DAB1: variants seen among roughly 807,000 people sequenced by gnomAD.
DAB1 encodes the protein disabled homolog 1.
DAB1 carries 15 observed loss-of-function variants against 64.6 expected under a neutral mutation model. That is an observed-to-expected ratio of 0.23 (90% CI 0.16 to 0.36). The LOEUF (loss-of-function observed/expected upper bound fraction) is 0.36, where lower values mean the gene tolerates loss of function less well. Ranked by LOEUF, DAB1 falls within the 10% of genes least tolerant of loss-of-function variation. The pLI is 1.00. For synonymous variants in DAB1, 235 were observed against 251.9 expected (o/e 0.93, Z 0.64); for missense variants, 596 against 706.7 (o/e 0.84, Z 1.78).
At chr1:58,266,819 C>A (rs1042214662) in intron 4 of DAB1, among the ~76,000 whole-genome samples, 2 of 152,086 alleles carry the variant, frequency 1.3e-5, no homozygotes, top group Non-Finnish European at 2.9e-5. Context: ...GAATAGGTAT[C>A]GTCCAAAGAA....
intron 4 of DAB1, among the ~76,000 whole-genome samples, chr1:58,298,867 A>G (rs1662051734): frequency 6.6e-6 from 1 of 152,102 alleles, no homozygotes; most frequent in Non-Finnish European, 1.5e-5. Flanking sequence ...TCTTTGTAGC[A>G]CCTCTAATTA....
intron 1 of DAB1, 104 bp downstream of exon 1, chr1:57,423,825 GC>G (rs1289181078): frequency 1.3e-5 from 2 of 152,110 alleles, no homozygotes; most frequent in Non-Finnish European, 2.9e-5. Flanking sequence ...CCTCCTCCGC[GC>G]CCCGGGGCTC....
intron 5 of DAB1, among the ~76,000 whole-genome samples, chr1:57,936,910 T>C (rs1469194638): frequency 1.3e-5 from 2 of 152,042 alleles, no homozygotes; most frequent in Non-Finnish European, 2.9e-5. Flanking sequence ...GAGTCTTTGC[T>C]CCAGCCACAC....
chr1:57,838,337 C>A (rs978035717), intron 1 of DAB1, among the ~76,000 whole-genome samples: 1 of 151,922 alleles, frequency 6.6e-6, no homozygotes, highest in African/African-American at 2.4e-5. Context: ...AAAGAAAATG[C>A]AACAGAAAGT....
intron 6 of DAB1, among the ~76,000 whole-genome samples, chr1:57,693,251 A>G (rs771100593): frequency 2.6e-5 from 4 of 152,040 alleles, no homozygotes; most frequent in Non-Finnish European, 5.9e-5. Flanking sequence ...CCAATTCCCA[A>G]CAGCAGCTGG....
At chr1:58,441,602 C>A (rs1645008838) in intron 3 of DAB1, among the ~76,000 whole-genome samples, 1 of 152,116 alleles carries the variant, frequency 6.6e-6, no homozygotes, top group African/African-American at 2.4e-5. Flanking sequence ...CTCTGATTTC[C>A]TCAGTTATAA....
chr1:57,331,870 A>G (rs1570297788), intron 1 of DAB1, among the ~76,000 whole-genome samples: 1 of 152,244 alleles, frequency 6.6e-6, no homozygotes, highest in African/African-American at 2.4e-5. Flanking sequence ...AAGACGAGGT[A>G]GCAGAAAGGC....
At chr1:58,408,055 C>T (rs971769705) in intron 3 of DAB1, among the ~76,000 whole-genome samples, 1 of 152,158 alleles carries the variant, frequency 6.6e-6, no homozygotes, top group African/African-American at 2.4e-5. Context: ...GGACCAGCAG[C>T]CTCAGCATCG....
intron 4 of DAB1, among the ~76,000 whole-genome samples, chr1:58,252,245 G>T (rs1182697947): frequency 6.6e-6 from 1 of 152,168 alleles, no homozygotes; most frequent in Non-Finnish European, 1.5e-5. Flanking sequence ...TTGCCTGTTT[G>T]TTGAGTCCAT....
intron 6 of DAB1, among the ~76,000 whole-genome samples, chr1:57,817,413 GC>G (rs1443067673): frequency 7.2e-5 from 11 of 152,196 alleles, no homozygotes; most frequent in Non-Finnish European, 1.6e-4. Context: ...ATGGCCAGCT[GC>G]CCATGAAGGG....
chr1:57,859,804 T>A (rs546043013), intron 1 of DAB1, among the ~76,000 whole-genome samples: 2 of 152,294 alleles, frequency 1.3e-5, no homozygotes, highest in Admixed American at 1.3e-4. Context: ...GACTTCAATG[T>A]ATCTCAAATA....
Position 57,010,810 on chromosome 1 carries a change from T to A in DAB1, c.1573-20A>T. Reference sequence around the variant, plus strand: ...ATCAGGCTAGAACACAAGAAGATAATACTTTTTTTTTTCTCTCTTTTCAAG... The same window carrying A: ...ATCAGGCTAGAACACAAGAAGATAAAACTTTTTTTTTTCTCTCTTTTCAAG... On this transcript the variant is annotated intron_variant, in intron 13 of 14. Transcript: ENST00000371236. The A allele has an allele frequency of 1.3e-6, 2 of 1,513,024 alleles. No individual in the cohort carries two copies. The highest frequency in any genetic ancestry group is 1.8e-6 in the Non-Finnish European group (2 of 1,123,824). The allele number at this position is 1,513,024 out of a possible 1,614,324, so 93.7% of individuals were successfully genotyped here.
chr1:57,355,989 T>G lies in DAB1; in HGVS notation c.-136-64823A>C, dbSNP rs144186577. ...CTAGTTTTTCCTCTTCCCTACTTTATTCTTCTGTCGCCCTTATCACATTTA... is the reference window on the plus strand; with the variant it reads ...CTAGTTTTTCCTCTTCCCTACTTTAGTCTTCTGTCGCCCTTATCACATTTA... On this transcript the variant is annotated intron_variant, in intron 1 of 14. Transcript: ENST00000371236. Among the ~76,000 whole-genome samples the G allele has an allele frequency of 2.0e-3, 305 of 152,188 alleles. 1 individual carries two copies. Among genetic ancestry groups the G allele is most frequent in the African/African-American group, 6.8e-3 (281 of 41,538 alleles).
At chr1:57,683,410 G>C (rs1239901348) in intron 6 of DAB1, among the ~76,000 whole-genome samples, 1 of 152,192 alleles carries the variant, frequency 6.6e-6, no homozygotes, top group Non-Finnish European at 1.5e-5. Context: ...CCACCACACA[G>C]CACACCTGTG....
At chr1:57,159,436 G>A (rs980270736) in intron 2 of DAB1, among the ~76,000 whole-genome samples, 5 of 152,092 alleles carry the variant, frequency 3.3e-5, no homozygotes, top group Non-Finnish European at 5.9e-5. Context: ...ACATGCAATG[G>A]CAAATTAAAG....
At chr1:58,522,878 C>T (rs11810356) in intron 2 of DAB1, among the ~76,000 whole-genome samples, 4,077 of 152,274 alleles carry the variant, frequency 0.027, 178 homozygotes, top group African/African-American at 0.092. Flanking sequence ...CTTATCTTCA[C>T]ACTGAGTAGA....
intron 6 of DAB1, among the ~76,000 whole-genome samples, chr1:57,688,356 C>T (rs544268117): frequency 4.6e-5 from 7 of 152,118 alleles, no homozygotes; most frequent in East Asian, 1.9e-4. Flanking sequence ...AAATCAAAAC[C>T]GGATTGAGAT....
At chr1:57,293,584 C>T (rs1259930749) in intron 1 of DAB1, among the ~76,000 whole-genome samples, 2 of 152,096 alleles carry the variant, frequency 1.3e-5, no homozygotes, top group African/African-American at 4.8e-5. Flanking sequence ...GCCACCTGGC[C>T]GGTATGTGAC....
At chr1:58,007,079 G>C (rs1220579052) in intron 5 of DAB1, among the ~76,000 whole-genome samples, 1 of 152,146 alleles carries the variant, frequency 6.6e-6, no homozygotes, top group East Asian at 1.9e-4. Flanking sequence ...CATGAAAAAT[G>C]TGTGATTTAA....
Sources: gnomAD v4.1 joint callset for allele counts (sites outside exome capture counted in the v4.1 genomes callset) on GRCh38, gnomAD v4.1.1 for gene constraint, MANE v1.5 for transcripts, NCBI Gene and HGNC (gene_info 2026-07-23, HGNC 2026-07-21) for gene names.